The following GNAQ variants were observed in gnomAD, a reference collection of about 807,000 sequenced individuals.
The protein encoded by GNAQ is guanine nucleotide-binding protein G(q) subunit alpha.
A neutral mutation model predicts 43.9 loss-of-function variants in GNAQ; 8 were observed. The ratio of observed to expected loss-of-function variants is 0.18; its 90% CI spans 0.11 to 0.33. The LOEUF (loss-of-function observed/expected upper bound fraction) is 0.33, where lower values mean the gene tolerates loss of function less well. GNAQ is among the 10% of genes least tolerant of loss of function. The pLI is 1.00. For synonymous variants in GNAQ, 155 were observed against 170.7 expected (o/e 0.91, Z 0.71); for missense variants, 158 against 450.8 (o/e 0.35, Z 5.88).
intron 2 of GNAQ, among the ~76,000 whole-genome samples, chr9:77,871,128 T>C (rs1249753530): frequency 6.6e-6 from 1 of 152,222 alleles, no homozygotes; most frequent in Non-Finnish European, 1.5e-5. Flanking sequence ...ATAAAGTTAA[T>C]TTAACATTTT....
chr9:77,744,229 G>A (rs1825696412), intron 5 of GNAQ, among the ~76,000 whole-genome samples: 1 of 152,152 alleles, frequency 6.6e-6, no homozygotes, highest in Non-Finnish European at 1.5e-5. Context: ...AACTAGGCTC[G>A]CACTTTGCAC....
At chr9:77,873,954 A>G (rs1302388216) in intron 2 of GNAQ, among the ~76,000 whole-genome samples, 1 of 151,894 alleles carries the variant, frequency 6.6e-6, no homozygotes, top group Non-Finnish European at 1.5e-5. Context: ...AGAAATACAA[A>G]ATTAGTCAGG....
At chr9:77,967,232 G>C (rs1159760804) in intron 1 of GNAQ, among the ~76,000 whole-genome samples, 1 of 152,168 alleles carries the variant, frequency 6.6e-6, no homozygotes, top group African/African-American at 2.4e-5. Flanking sequence ...CTGTTGGGCT[G>C]ACAACAGCTC....
intron 1 of GNAQ, among the ~76,000 whole-genome samples, chr9:77,979,500 T>A (rs77209734): frequency 0.011 from 1,623 of 152,264 alleles, 21 homozygotes; most frequent in African/African-American, 0.036. Context: ...CAATACCAGC[T>A]GGAGTTCATC....
chr9:77,863,208 A>AAGGAAGGAAGGG (rs1452022059), intron 2 of GNAQ, among the ~76,000 whole-genome samples: 1 of 150,086 alleles, frequency 6.7e-6, no homozygotes, highest in South Asian at 2.1e-4. Context: ...GGAAGGAAGG[A>AAGGAAGGAAGGG]AGGAAGGAAG....
chr9:77,937,343 C>T (rs904095369), intron 1 of GNAQ, among the ~76,000 whole-genome samples: 3 of 152,024 alleles, frequency 2.0e-5, no homozygotes, highest in Non-Finnish European at 4.4e-5. Flanking sequence ...GAGGCTGAGG[C>T]AGGAGAATTG....
At chr9:77,902,941 G>A (rs929591604) in intron 2 of GNAQ, among the ~76,000 whole-genome samples, 1 of 152,046 alleles carries the variant, frequency 6.6e-6, no homozygotes, top group African/African-American at 2.4e-5. Context: ...TTTGCAATTT[G>A]GGCCAGGCCT....
intron 5 of GNAQ, among the ~76,000 whole-genome samples, chr9:77,778,251 C>CTA (rs953679774): frequency 2.0e-5 from 3 of 150,592 alleles, no homozygotes; most frequent in African/African-American, 7.3e-5. Context: ...ACGTATTCCT[C>CTA]TATATAAGGG....
intron 5 of GNAQ, among the ~76,000 whole-genome samples, chr9:77,790,865 G>A (rs1048689765): frequency 1.8e-4 from 28 of 152,112 alleles, no homozygotes; most frequent in Non-Finnish European, 2.6e-4. Flanking sequence ...ATCTGTCCCC[G>A]CCACGGTGAG....
intron 5 of GNAQ, among the ~76,000 whole-genome samples, chr9:77,736,557 G>C (rs1339024595): frequency 6.6e-6 from 1 of 152,154 alleles, no homozygotes; most frequent in East Asian, 1.9e-4. Flanking sequence ...AGGATGTTTA[G>C]AGAAGAAAAG....
At chr9:77,991,159 T>C (rs529847978) in intron 1 of GNAQ, among the ~76,000 whole-genome samples, 33 of 152,348 alleles carry the variant, frequency 2.2e-4, no homozygotes, top group African/African-American at 7.2e-4. Flanking sequence ...ACAATTGACA[T>C]ATCATTTGTT....
chr9:77,797,273 T>C (rs1286752593), intron 4 of GNAQ, among the ~76,000 whole-genome samples: 1 of 152,216 alleles, frequency 6.6e-6, no homozygotes, highest in Non-Finnish European at 1.5e-5. Context: ...CTTCAGGTAA[T>C]CCATCCACCT....
At chr9:77,772,260 A>C (rs1826233394) in intron 5 of GNAQ, among the ~76,000 whole-genome samples, 1 of 152,212 alleles carries the variant, frequency 6.6e-6, no homozygotes, top group South Asian at 2.1e-4. Flanking sequence ...TTTCATTTAA[A>C]TGTATTTATT....
At chr9:77,969,289 T>C (rs1823207422) in intron 1 of GNAQ, among the ~76,000 whole-genome samples, 1 of 152,208 alleles carries the variant, frequency 6.6e-6, no homozygotes, top group Non-Finnish European at 1.5e-5. Flanking sequence ...TGTAATTTTC[T>C]AACACACCCG....
At chr9:78,030,853 G>A (rs1824044365) in intron 1 of GNAQ, among the ~76,000 whole-genome samples, 2 of 152,018 alleles carry the variant, frequency 1.3e-5, no homozygotes, top group East Asian at 3.9e-4. Context: ...ACCGGGCAGG[G>A]CAGCCCCGAC....
intron 1 of GNAQ, among the ~76,000 whole-genome samples, chr9:78,002,728 G>A (rs1823659005): frequency 1.3e-5 from 2 of 152,194 alleles, no homozygotes; most frequent in African/African-American, 4.8e-5. Flanking sequence ...ATGATAGCAT[G>A]AAGGAATACA....
intron 1 of GNAQ, among the ~76,000 whole-genome samples, chr9:77,976,875 G>A (rs755517776): frequency 5.3e-5 from 8 of 152,156 alleles, no homozygotes; most frequent in Non-Finnish European, 1.0e-4. Flanking sequence ...CAGCTTCAAT[G>A]AGCCATAAGG....
intron 5 of GNAQ, among the ~76,000 whole-genome samples, chr9:77,753,812 C>T (rs535707635): frequency 3.4e-5 from 5 of 148,806 alleles, no homozygotes; most frequent in East Asian, 4.0e-4. Flanking sequence ...ACTGTATAGT[C>T]GCCCTTGAAA....
At chr9:77,969,710 G>C (rs1823212624) in intron 1 of GNAQ, among the ~76,000 whole-genome samples, 1 of 152,140 alleles carries the variant, frequency 6.6e-6, no homozygotes, top group African/African-American at 2.4e-5. Flanking sequence ...CAACACTATG[G>C]ATTTTCCAGG....
Sources: allele counts gnomAD v4.1 joint callset (sites outside exome capture counted in the v4.1 genomes callset), GRCh38; gene constraint gnomAD v4.1.1; transcripts MANE v1.5; gene names NCBI Gene and HGNC (gene_info 2026-07-23, HGNC 2026-07-21).